The following MYO19 variants were observed in gnomAD, a reference collection of about 807,000 sequenced individuals.
The protein encoded by MYO19 is unconventional myosin-XIX.
A neutral mutation model predicts 129.2 loss-of-function variants in MYO19; 132 were observed. The observed-to-expected ratio is 1.02, with a 90% CI of 0.89 to 1.18. The LOEUF (loss-of-function observed/expected upper bound fraction) is 1.18. Among genes scored for constraint, MYO19 ranks in the 50% most tolerant of loss-of-function variants. The pLI, the probability that MYO19 is intolerant of heterozygous loss-of-function variation, is 0.00. For synonymous variants in MYO19, 531 were observed against 477.2 expected (o/e 1.11, Z -1.47); for missense variants, 1,210 against 1,216.7 (o/e 0.99, Z 0.08).
chr17:36,501,769 A>T (rs1023060699), intron 21 of MYO19: 1 of 152,204 alleles, frequency 6.6e-6, no homozygotes, highest in South Asian at 2.1e-4. Flanking sequence ...AATTTAAAAA[A>T]TCCCAGCCCT....
At chr17:36,521,242 T>C (rs1297855050) in intron 6 of MYO19, among the ~76,000 whole-genome samples, 1 of 152,218 alleles carries the variant, frequency 6.6e-6, no homozygotes, top group Non-Finnish European at 1.5e-5. Context: ...TAAACACAGA[T>C]TCTAATCAGT....
At chr17:36,524,997 A>G (rs956194153) in intron 6 of MYO19, among the ~76,000 whole-genome samples, 2 of 152,172 alleles carry the variant, frequency 1.3e-5, no homozygotes, top group African/African-American at 2.4e-5. Context: ...CTTCATTCCT[A>G]TTTCACCCAG....
intron 1 of MYO19, among the ~76,000 whole-genome samples, chr17:36,534,419 G>T (rs1178639878): frequency 6.6e-6 from 1 of 152,160 alleles, no homozygotes; most frequent in Non-Finnish European, 1.5e-5. Context: ...AGCCAAGGGC[G>T]CAGCTGCCCT....
intron 3 of MYO19, among the ~76,000 whole-genome samples, chr17:36,530,684 A>G (rs1404688836): frequency 6.6e-6 from 1 of 151,268 alleles, no homozygotes; most frequent in African/African-American, 2.4e-5. Context: ...GCAGTGGCAC[A>G]ATCTCGGCTC....
At chr17:36,508,759 C>T (rs1296985396) in intron 14 of MYO19, 2 of 403,514 alleles carry the variant, frequency 5.0e-6, no homozygotes, top group South Asian at 3.7e-5. Context: ...CAGCTATTTT[C>T]CCCAACCCCC....
chr17:36,519,765 G>C (rs2073027619), intron 6 of MYO19, among the ~76,000 whole-genome samples: 1 of 151,922 alleles, frequency 6.6e-6, no homozygotes, highest in South Asian at 2.1e-4. Context: ...GTGCAAGTCT[G>C]CAGGCAATGA....
intron 13 of MYO19, 21 bp downstream of exon 13, chr17:36,510,725 G>C (rs774407670): frequency 1.9e-6 from 3 of 1,574,462 alleles, no homozygotes; most frequent in Non-Finnish European, 2.6e-6. Context: ...TCCCCAACAA[G>C]GGGCCAGAGT....
upstream of MYO19, chr17:36,536,965 T>C (rs1443860777): frequency 2.8e-6 from 2 of 712,542 alleles, no homozygotes; most frequent in African/African-American, 1.8e-5. Flanking sequence ...TCACAAATCC[T>C]AGGTGAACTC....
intron 6 of MYO19, among the ~76,000 whole-genome samples, chr17:36,520,251 C>T (rs1335705292): frequency 6.6e-6 from 1 of 152,190 alleles, no homozygotes; most frequent in African/African-American, 2.4e-5. Context: ...GCTGGGATTA[C>T]AGGCGTGAAC....
At chr17:36,505,259 G>T (rs2071801471) in intron 19 of MYO19, 38 bp downstream of exon 19, 1 of 1,564,008 alleles carries the variant, frequency 6.4e-7, no homozygotes, top group African/African-American at 1.4e-5. Context: ...GGCCAGATGG[G>T]GTTTGGTGCG....
In MYO19 at chr17:36,509,127, TCAAA is replaced by T. The variant is rs751517028; in HGVS notation, c.1162_1165del (p.Phe388ThrfsTer6). On this transcript the variant is annotated frameshift_variant, in exon 14 of 26. Transcript: ENST00000614623. LOFTEE classifies it high-confidence loss of function. Reference sequence around the variant, plus strand: ...GCTGTTGATCACTGATACCAGCCAGTCAAACAACCTGTTGGGGGAAGAGAGTGGA... The same window carrying T: ...GCTGTTGATCACTGATACCAGCCAGTCAACCTGTTGGGGGAAGAGAGTGGA... The T allele has an allele frequency of 6.2e-7, 1 of 1,613,794 alleles. No individual in the cohort carries two copies. Among genetic ancestry groups the T allele is most frequent in the Non-Finnish European group, 8.5e-7 (1 of 1,179,808 alleles).
At chr17:36,503,904 C>A in intron 20 of MYO19, 46 bp downstream of exon 20, 1 of 1,451,118 alleles carries the variant, frequency 6.9e-7, no homozygotes. Flanking sequence ...GTCCTGAGCC[C>A]CACTCTGTAC....
intron 6 of MYO19, among the ~76,000 whole-genome samples, chr17:36,522,041 A>AG (rs1433361320): frequency 1.3e-5 from 2 of 151,144 alleles, no homozygotes; most frequent in Non-Finnish European, 3.0e-5. Flanking sequence ...AAAAAAAAAA[A>AG]AAAAAAGAAA....
chr17:36,540,052 A>G lies in MYO19; in HGVS notation n.395+2029T>C, dbSNP rs1201632775. 1.6e-4 allele frequency among the ~76,000 whole-genome samples: 24 copies of G among 152,146 alleles called. 1 individual carries two copies. The highest frequency in any genetic ancestry group is 1.6e-3 in the Admixed American group (24 of 15,266). On this transcript the variant is annotated intron_variant and non_coding_transcript_variant, in intron 2 of 2. Coordinates refer to the MYO19 transcript ENST00000610496. ...GCACCAAGCACATAATGGAATTGAA[A>G]GAAGGCTGAACACAGAAGAAGGAAG...
At chr17:36,498,864 GT>G in intron 24 of MYO19, 2 of 592,826 alleles carry the variant, frequency 3.4e-6, no homozygotes, top group Admixed American at 3.0e-5. Flanking sequence ...TATTCCCAGA[GT>G]TGCTTATACC....
At chr17:36,523,003 C>A (rs2073236188) in intron 6 of MYO19, among the ~76,000 whole-genome samples, 1 of 128,666 alleles carries the variant, frequency 7.8e-6, no homozygotes, top group African/African-American at 3.1e-5. Context: ...AAGACTCCGT[C>A]TCAAAAAAAA....
intron 24 of MYO19, 104 bp downstream of exon 24, chr17:36,498,971 C>G (rs373816669): frequency 1.1e-6 from 1 of 934,140 alleles, no homozygotes; most frequent in Non-Finnish European, 1.7e-6. Flanking sequence ...ACAACCTGCC[C>G]AAGGCCACCT....
upstream of MYO19, among the ~76,000 whole-genome samples, chr17:36,536,748 C>T (rs1194528114): frequency 6.6e-6 from 1 of 152,196 alleles, no homozygotes; most frequent in East Asian, 1.9e-4. Context: ...CTCCTGACCT[C>T]AGGTGATCCT....
intron 6 of MYO19, among the ~76,000 whole-genome samples, chr17:36,521,415 G>T (rs550704224): frequency 6.6e-6 from 1 of 152,228 alleles, no homozygotes; most frequent in South Asian, 2.1e-4. Context: ...GGAAGGTAAA[G>T]AAAAGAATAT....
Sources: allele counts gnomAD v4.1 joint callset (sites outside exome capture counted in the v4.1 genomes callset), GRCh38; gene constraint gnomAD v4.1.1; transcripts MANE v1.5; gene names NCBI Gene and HGNC (gene_info 2026-07-23, HGNC 2026-07-21).